The following NXPH2 variants were observed in gnomAD, a reference collection of about 807,000 sequenced individuals.
The protein encoded by NXPH2 is neurexophilin 2, also known as neurexophilin-2.
In NXPH2, 5 loss-of-function variants were observed where a neutral mutation model predicts 19.8. That is an observed-to-expected ratio of 0.25 (90% confidence interval 0.13 to 0.53). The LOEUF is 0.53. Ranked by LOEUF, NXPH2 falls within the 20% of genes least tolerant of loss-of-function variation. NXPH2 has a pLI of 0.96. For synonymous variants in NXPH2, 154 were observed against 127.4 expected (o/e 1.21, Z -1.41); for missense variants, 289 against 322.8 (o/e 0.90, Z 0.80).
At chr2:138,726,557 CA>C (rs1681363143) in intron 1 of NXPH2, among the ~76,000 whole-genome samples, 2 of 148,530 alleles carry the variant, frequency 1.3e-5, no homozygotes, top group South Asian at 4.3e-4. Flanking sequence ...CACACACACA[CA>C]CCCTCCAACA....
chr2:138,692,427 G>A (rs909459988), intron 1 of NXPH2, among the ~76,000 whole-genome samples: 7 of 152,116 alleles, frequency 4.6e-5, no homozygotes, highest in African/African-American at 7.2e-5. Context: ...TTTAAAACAA[G>A]CCTCAAATGA....
chr2:138,713,264 C>T (rs1681132858), intron 1 of NXPH2, among the ~76,000 whole-genome samples: 1 of 152,184 alleles, frequency 6.6e-6, no homozygotes, highest in African/African-American at 2.4e-5. Context: ...AGCACTGAAC[C>T]TCAGCAGTCA....
chr2:138,736,086 T>C (rs1046504401), intron 1 of NXPH2, among the ~76,000 whole-genome samples: 11 of 152,196 alleles, frequency 7.2e-5, no homozygotes, highest in Non-Finnish European at 5.9e-5. Flanking sequence ...TGAGTGTCTG[T>C]GGCTTTTCCA....
At chr2:138,746,595 C>G (rs1219836381) in intron 1 of NXPH2, among the ~76,000 whole-genome samples, 2 of 152,200 alleles carry the variant, frequency 1.3e-5, no homozygotes, top group Non-Finnish European at 2.9e-5. Context: ...AGGACATTGT[C>G]AGTCCTCCAG....
At chr2:138,708,598 C>A (rs1224355196) in intron 1 of NXPH2, among the ~76,000 whole-genome samples, 1 of 152,166 alleles carries the variant, frequency 6.6e-6, no homozygotes, top group Non-Finnish European at 1.5e-5. Flanking sequence ...TGAAAGACAA[C>A]AAATGTCTTT....
intron 1 of NXPH2, among the ~76,000 whole-genome samples, chr2:138,755,727 T>G (rs1429294248): frequency 6.6e-6 from 1 of 152,112 alleles, no homozygotes; most frequent in Non-Finnish European, 1.5e-5. Flanking sequence ...GAATTTAAAT[T>G]GGTATTGCAT....
chr2:138,776,596 C>A (rs1216469262), intron 1 of NXPH2, among the ~76,000 whole-genome samples: 2 of 147,452 alleles, frequency 1.4e-5, no homozygotes, highest in Non-Finnish European at 1.5e-5. Flanking sequence ...AACTCTAAGT[C>A]ATAACAATGA....
intron 1 of NXPH2, among the ~76,000 whole-genome samples, chr2:138,676,096 T>C (rs1053100394): frequency 6.6e-6 from 1 of 152,144 alleles, no homozygotes; most frequent in African/African-American, 2.4e-5. Context: ...GTGTACAACC[T>C]CATCCGTTTA....
At chr2:138,678,832 A>T (rs772458001) in intron 1 of NXPH2, among the ~76,000 whole-genome samples, 26 of 152,106 alleles carry the variant, frequency 1.7e-4, no homozygotes, top group Non-Finnish European at 3.1e-4. Context: ...ATTTTACTTT[A>T]TTCTACACAT....
chr2:138,682,263 T>C (rs1316189546), intron 1 of NXPH2, among the ~76,000 whole-genome samples: 1 of 152,156 alleles, frequency 6.6e-6, no homozygotes, highest in Non-Finnish European at 1.5e-5. Flanking sequence ...TGTAAACAAA[T>C]CTTGGAAAGC....
intron 1 of NXPH2, among the ~76,000 whole-genome samples, chr2:138,722,683 G>A (rs756493381): frequency 6.6e-6 from 1 of 152,244 alleles, no homozygotes; most frequent in Admixed American, 6.5e-5. Context: ...CTAGTAGGTG[G>A]AAGAGGTGTT....
Position 138,768,465 on chromosome 2 carries a change from T to C in NXPH2, c.51+11726A>G, listed in dbSNP as rs541030618. 2.0e-4 allele frequency among the ~76,000 whole-genome samples: 31 copies of C among 152,310 alleles called. No individual in the cohort carries two copies. In the East Asian group the frequency reaches 3.5e-3, roughly 17 times the overall value. ...TCAAAGTGCCCTGCCCTTCTCAAGC[T>C]AAGGCGTATGACCCAAACCAACCAG... is the stretch of plus-strand genomic sequence containing the variant. On this transcript the variant is annotated intron_variant, in intron 1 of 1. Transcript: ENST00000272641.
chr2:138,678,825 T>C (rs1354680980), intron 1 of NXPH2, among the ~76,000 whole-genome samples: 2 of 152,224 alleles, frequency 1.3e-5, no homozygotes, highest in Non-Finnish European at 2.9e-5. Context: ...CCTGCCCATT[T>C]TACTTTATTC....
intron 1 of NXPH2, among the ~76,000 whole-genome samples, chr2:138,700,844 C>T (rs181354557): frequency 2.9e-4 from 44 of 152,132 alleles, no homozygotes; most frequent in Admixed American, 1.4e-3. Flanking sequence ...TGGTTCATAT[C>T]GGTGGTTGAA....
Position 138,670,787 on chromosome 2 carries a change from A to T in NXPH2, c.*135T>A. On this transcript the variant is annotated 3_prime_UTR_variant, in exon 2 of 2. Transcript: ENST00000272641. The stretch of plus-strand genomic sequence containing the variant: ...AAGATGTCTCTTTTTCTTTTTTTAA[A>T]TTTGAAAACCTGATAGGGAACTATT... 2.2e-6 allele frequency: 2 copies of T among 929,020 alleles called. No homozygotes were observed. Among genetic ancestry groups the T allele is most frequent in the African/African-American group, 1.7e-5 (1 of 59,932 alleles). 57.5% of individuals were successfully genotyped at this position (929,020 alleles called of 1,614,324 possible). A position where few individuals can be genotyped will look rare whatever the true frequency, so the allele number is the denominator to read the frequency against.
intron 1 of NXPH2, among the ~76,000 whole-genome samples, chr2:138,766,893 A>T (rs1452250090): frequency 6.6e-6 from 1 of 152,216 alleles, no homozygotes. Flanking sequence ...GTAAACAAAG[A>T]TGCATACTGA....
chr2:138,710,608 C>T (rs535330808), intron 1 of NXPH2, among the ~76,000 whole-genome samples: 4 of 152,122 alleles, frequency 2.6e-5, no homozygotes, highest in Non-Finnish European at 5.9e-5. Flanking sequence ...TTGAAGTTAC[C>T]TGGCCTATTG....
chr2:138,734,645 AG>A (rs763339877), intron 1 of NXPH2, among the ~76,000 whole-genome samples: 1 of 152,228 alleles, frequency 6.6e-6, no homozygotes, highest in Non-Finnish European at 1.5e-5. Context: ...AATAAGCCAG[AG>A]GGAGACCACA....
At chr2:138,749,381 T>G (rs1046954652) in intron 1 of NXPH2, among the ~76,000 whole-genome samples, 2 of 152,172 alleles carry the variant, frequency 1.3e-5, no homozygotes, top group Non-Finnish European at 2.9e-5. Context: ...ACACAACTAG[T>G]AAAGTTATTA....
Sources: gnomAD v4.1 joint callset for allele counts (sites outside exome capture counted in the v4.1 genomes callset) on GRCh38, gnomAD v4.1.1 for gene constraint, MANE v1.5 for transcripts, NCBI Gene and HGNC (gene_info 2026-07-23, HGNC 2026-07-21) for gene names.